Variants in SOX6 observed in about 807,000 individuals in gnomAD.
The protein encoded by SOX6 is transcription factor SOX-6.
SOX6 carries 11 observed loss-of-function variants against 97.8 expected under a neutral mutation model. The ratio of observed to expected loss-of-function variants is 0.11; its 90% CI spans 0.07 to 0.19. The LOEUF is 0.19. Ranked by LOEUF, SOX6 falls within the 10% of genes least tolerant of loss-of-function variation. SOX6 has a pLI of 1.00. For synonymous variants in SOX6, 360 were observed against 371.4 expected, an observed-to-expected ratio of 0.97 and a Z score of 0.35; for missense variants, 810 against 1,039.5, an observed-to-expected ratio of 0.78 and a Z score of 3.04.
At chr11:16,594,940 C>A (rs906582603) in intron 4 of SOX6, among the ~76,000 whole-genome samples, 4 of 152,070 alleles carry the variant, frequency 2.6e-5, no homozygotes, top group Non-Finnish European at 4.4e-5. Flanking sequence ...ATCCGCCCCC[C>A]TCGGCCTCCC....
At chr11:16,365,167 C>T (rs1472160345) in intron 1 of SOX6, among the ~76,000 whole-genome samples, 3 of 151,838 alleles carry the variant, frequency 2.0e-5, no homozygotes, top group African/African-American at 7.3e-5. Context: ...TTAAACTTTA[C>T]CACAGGTTTG....
intron 4 of SOX6, among the ~76,000 whole-genome samples, chr11:16,560,742 G>A (rs775330941): frequency 1.1e-4 from 16 of 152,108 alleles, no homozygotes; most frequent in Non-Finnish European, 1.9e-4. Context: ...TCAATCTGAG[G>A]AAACAATCTA....
chr11:15,993,728 T>A (rs75927466), intron 13 of SOX6, among the ~76,000 whole-genome samples: 14,110 of 152,246 alleles, frequency 0.093, 1,354 homozygotes, highest in East Asian at 0.36. Context: ...AGATAGTTAA[T>A]CTGCAGAGAG....
intron 1 of SOX6, among the ~76,000 whole-genome samples, chr11:16,388,061 T>C (rs1009585459): frequency 6.6e-6 from 1 of 152,186 alleles, no homozygotes; most frequent in Non-Finnish European, 1.5e-5. Flanking sequence ...TCAAATATGA[T>C]GTTAGTTGTA....
chr11:16,513,349 G>A (rs1203203609), intron 4 of SOX6, among the ~76,000 whole-genome samples: 4 of 152,170 alleles, frequency 2.6e-5, no homozygotes, highest in Non-Finnish European at 4.4e-5. Context: ...ACAGTGGAAG[G>A]GGGCCGGGCA....
intron 3 of SOX6, among the ~76,000 whole-genome samples, chr11:16,617,033 T>C (rs1046076543): frequency 6.6e-6 from 1 of 151,924 alleles, no homozygotes; most frequent in Non-Finnish European, 1.5e-5. Context: ...ATCATAATGA[T>C]ACATACAAGA....
intron 4 of SOX6, among the ~76,000 whole-genome samples, chr11:16,222,613 C>T (rs1390014937): frequency 1.3e-5 from 2 of 152,094 alleles, no homozygotes; most frequent in Non-Finnish European, 2.9e-5. Flanking sequence ...CAAACACAAA[C>T]CAAGCTTTGT....
chr11:16,265,818 G>C (rs1854068160), intron 3 of SOX6, among the ~76,000 whole-genome samples: 1 of 151,688 alleles, frequency 6.6e-6, no homozygotes, highest in South Asian at 2.1e-4. Context: ...AAAACATACT[G>C]AATAAATCAA....
intron 9 of SOX6, among the ~76,000 whole-genome samples, chr11:16,084,487 T>C (rs969100589): frequency 6.6e-6 from 1 of 152,038 alleles, no homozygotes; most frequent in African/African-American, 2.4e-5. Flanking sequence ...CAGCAGACAC[T>C]GTACTAAGCA....
intron 3 of SOX6, among the ~76,000 whole-genome samples, chr11:16,678,242 A>G (rs181811179): frequency 1.1e-4 from 17 of 152,192 alleles, no homozygotes; most frequent in African/African-American, 2.2e-4. Context: ...ATCTAAAGTG[A>G]TGGATTTGAG....
At chr11:16,095,689 T>C (rs1848777836) in intron 9 of SOX6, among the ~76,000 whole-genome samples, 1 of 151,846 alleles carries the variant, frequency 6.6e-6, no homozygotes, top group African/African-American at 2.4e-5. Flanking sequence ...TACAACACTA[T>C]GCATAAGAAA....
intron 4 of SOX6, among the ~76,000 whole-genome samples, chr11:16,573,557 A>G (rs1847956805): frequency 6.6e-6 from 1 of 152,224 alleles, no homozygotes; most frequent in Non-Finnish European, 1.5e-5. Context: ...CAGGATATAT[A>G]TATATGTGTT....
chr11:16,525,579 C>T (rs1316335065), intron 4 of SOX6, among the ~76,000 whole-genome samples: 2 of 151,304 alleles, frequency 1.3e-5, no homozygotes, highest in Non-Finnish European at 1.5e-5. Context: ...TGGGCAAGGA[C>T]TTCATGTCTA....
Position 16,128,344 on chromosome 11 carries a change from ACATAT to A in SOX6, c.778-16426_778-16422del, listed in dbSNP as rs1427444292. 3.9e-5 allele frequency among the ~76,000 whole-genome samples: 6 copies of A among 152,212 alleles called. 1 individual carries two copies. Among genetic ancestry groups the A allele is most frequent in the African/African-American group, 1.4e-4 (6 of 41,450 alleles). On this transcript the variant is annotated intron_variant, in intron 6 of 15. Coordinates refer to ENST00000683767, the MANE Select transcript of SOX6 (RefSeq NM_001367873.1). ...TACAGTAAGTTCTTTGCCATGTTTGACATATACACATATGTATAATATTCATGTAT... is the reference window on the plus strand; with the variant it reads ...TACAGTAAGTTCTTTGCCATGTTTGAACACATATGTATAATATTCATGTAT...
chr11:16,043,560 G>A (rs932707837), intron 12 of SOX6, among the ~76,000 whole-genome samples: 10 of 152,134 alleles, frequency 6.6e-5, no homozygotes, highest in Admixed American at 1.3e-4. Context: ...ATGAGTAAAC[G>A]TGTAATCATA....
chr11:16,598,154 T>C (rs2133976080), intron 4 of SOX6, among the ~76,000 whole-genome samples: 1 of 152,160 alleles, frequency 6.6e-6, no homozygotes, highest in South Asian at 2.1e-4. Context: ...TACATTCGTT[T>C]ATCTCATTTA....
In SOX6 at chr11:16,331,130, TCTC is replaced by T. The variant is rs1856280011; in HGVS notation, c.237+9879_237+9881del. On this transcript the variant is annotated intron_variant, in intron 2 of 15. Transcript: ENST00000683767. ...GGTGTCAGGTCAATCTTCCTCATGCTCTCCTCCTCTGCAGTTGTTTTCTTTTCA... is the reference window on the plus strand; with the variant it reads ...GGTGTCAGGTCAATCTTCCTCATGCTCTCCTCTGCAGTTGTTTTCTTTTCA... 2.0e-5 allele frequency among the ~76,000 whole-genome samples: 3 copies of T among 152,232 alleles called. No individual in the cohort carries two copies. The South Asian group carries it at 6.2e-4, about 32-fold the overall frequency.
intron 13 of SOX6, among the ~76,000 whole-genome samples, chr11:16,005,581 C>A (rs192459992): frequency 2.2e-3 from 341 of 152,112 alleles, no homozygotes; most frequent in African/African-American, 8.0e-3. Flanking sequence ...AGCTCTCCAG[C>A]ATGGAGCAGC....
chr11:16,002,785 T>A (rs1199061664), intron 13 of SOX6, among the ~76,000 whole-genome samples: 1 of 152,188 alleles, frequency 6.6e-6, no homozygotes, highest in African/African-American at 2.4e-5. Flanking sequence ...ATTCAGCAGC[T>A]TTTGGCTTTA....
Sources: allele counts gnomAD v4.1 joint callset (sites outside exome capture counted in the v4.1 genomes callset), GRCh38; gene constraint gnomAD v4.1.1; transcripts MANE v1.5; gene names NCBI Gene and HGNC (gene_info 2026-07-23, HGNC 2026-07-21).